AFG2A: variants seen among roughly 807,000 people sequenced by gnomAD.
AFG2A encodes AAA ATPase AFG2A.
the AFG2A span, among the ~76,000 whole-genome samples, chr4:122,943,394 C>G: frequency 6.6e-6 from 1 of 152,168 alleles, no homozygotes; most frequent in Non-Finnish European, 1.5e-5. Context: ...ATGTAATGGC[C>G]TTCTTTGTCT....
the AFG2A span, chr4:123,090,539 A>T: frequency 1.9e-6 from 3 of 1,608,126 alleles, no homozygotes; most frequent in Non-Finnish European, 2.6e-6. Context: ...GTATTTGAAG[A>T]TAAGTAAAGA....
the AFG2A span, among the ~76,000 whole-genome samples, chr4:123,296,006 A>C: frequency 6.6e-6 from 1 of 152,196 alleles, no homozygotes; most frequent in Non-Finnish European, 1.5e-5. Flanking sequence ...TCCCTTTATC[A>C]ATATATCCCA....
the AFG2A span, among the ~76,000 whole-genome samples, chr4:123,063,796 G>A: frequency 1.3e-5 from 2 of 151,790 alleles, no homozygotes; most frequent in Admixed American, 6.6e-5. Context: ...TCTAAATTCA[G>A]GATGTTTCAC....
the AFG2A span, among the ~76,000 whole-genome samples, chr4:123,157,807 C>G: frequency 6.6e-6 from 1 of 152,114 alleles, no homozygotes; most frequent in African/African-American, 2.4e-5. Context: ...TACCTCCCCC[C>G]TCTATAAAAG....
At chr4:123,270,604 C>T in the AFG2A span, among the ~76,000 whole-genome samples, 1 of 151,562 alleles carries the variant, frequency 6.6e-6, no homozygotes, top group Non-Finnish European at 1.5e-5. Flanking sequence ...AAAAACATAG[C>T]TCATGGAATT....
the AFG2A span, among the ~76,000 whole-genome samples, chr4:123,016,455 G>A: frequency 6.6e-6 from 1 of 151,340 alleles, no homozygotes; most frequent in Non-Finnish European, 1.5e-5. Flanking sequence ...GGTCGCGGCC[G>A]GGTAGAGGTG....
chr4:122,950,715 G>T, the AFG2A span, among the ~76,000 whole-genome samples: 1 of 152,182 alleles, frequency 6.6e-6, no homozygotes, highest in Admixed American at 6.5e-5. Flanking sequence ...TGCTTGCTGG[G>T]TTATGCTCGT....
At chr4:123,061,810 G>GC in the AFG2A span, among the ~76,000 whole-genome samples, 11 of 152,278 alleles carry the variant, frequency 7.2e-5, no homozygotes, top group East Asian at 1.7e-3. Context: ...CAAAACTCAG[G>GC]TTTACCTAAC....
At chr4:123,104,416 A>G in the AFG2A span, among the ~76,000 whole-genome samples, 2 of 152,058 alleles carry the variant, frequency 1.3e-5, no homozygotes, top group Admixed American at 1.3e-4. Context: ...CTGAGACACA[A>G]CAGTACTGAA....
At chr4:123,056,672 C>T in the AFG2A span, among the ~76,000 whole-genome samples, 5 of 152,062 alleles carry the variant, frequency 3.3e-5, no homozygotes, top group Admixed American at 2.0e-4. Flanking sequence ...TTAAAACTAT[C>T]ATTTTTTCTG....
the AFG2A span, among the ~76,000 whole-genome samples, chr4:122,952,986 G>C: frequency 3.9e-5 from 6 of 152,142 alleles, no homozygotes; most frequent in Non-Finnish European, 5.9e-5. Flanking sequence ...GTCCCATCAG[G>C]CTTCCACATG....
the AFG2A span, among the ~76,000 whole-genome samples, chr4:122,942,591 G>C: frequency 6.6e-6 from 1 of 152,004 alleles, no homozygotes; most frequent in African/African-American, 2.4e-5. Flanking sequence ...CCAGCTCCTG[G>C]GTTCATTAAT....
the AFG2A span, among the ~76,000 whole-genome samples, chr4:123,218,682 TACATAC>T: frequency 6.7e-6 from 1 of 150,034 alleles, no homozygotes; most frequent in East Asian, 1.9e-4. Context: ...CATACATACA[TACATAC>T]ATACAGTGGG....
the AFG2A span, among the ~76,000 whole-genome samples, chr4:123,145,762 T>G: frequency 6.6e-6 from 1 of 152,120 alleles, no homozygotes; most frequent in African/African-American, 2.4e-5. Context: ...ATGAGGTATA[T>G]CCTTTTGGTA....
At chr4:122,944,721 A>G in the AFG2A span, among the ~76,000 whole-genome samples, 2 of 152,030 alleles carry the variant, frequency 1.3e-5, no homozygotes, top group African/African-American at 4.8e-5. Flanking sequence ...TCTGCTTTTT[A>G]GAGTTTCCAG....
chr4:123,310,750 G>A, the AFG2A span, among the ~76,000 whole-genome samples: 2 of 152,172 alleles, frequency 1.3e-5, no homozygotes, highest in African/African-American at 2.4e-5. Context: ...TATTTGTAGT[G>A]TCCTGGTTAC....
the AFG2A span, among the ~76,000 whole-genome samples, chr4:123,081,409 T>G: frequency 8.5e-5 from 13 of 152,352 alleles, no homozygotes; most frequent in African/African-American, 2.6e-4. Flanking sequence ...CCAGATTGGC[T>G]TCTTTCATGT....
the AFG2A span, among the ~76,000 whole-genome samples, chr4:123,138,247 A>G: frequency 2.0e-5 from 3 of 152,150 alleles, no homozygotes; most frequent in African/African-American, 4.8e-5. Context: ...TCATTGCCCC[A>G]GGTAACACAG....
At chr4:122,929,145 C>T in the AFG2A span, 15 of 1,613,042 alleles carry the variant, frequency 9.3e-6, no homozygotes, top group South Asian at 1.1e-5. Context: ...CATCCAGGTC[C>T]AGCCTCTTGT....
Sources: gnomAD v4.1 joint callset for allele counts (sites outside exome capture counted in the v4.1 genomes callset) on GRCh38, gnomAD v4.1.1 for gene constraint, MANE v1.5 for transcripts, NCBI Gene and HGNC (gene_info 2026-07-23, HGNC 2026-07-21) for gene names.